The following NUP98 variants were observed in gnomAD, a reference collection of about 807,000 sequenced individuals.
NUP98 encodes nuclear pore complex protein Nup98-Nup96.
Under a neutral mutation model 191.9 loss-of-function variants are expected in NUP98, and 26 were observed. The observed-to-expected ratio is 0.14, with a 90% confidence interval of 0.10 to 0.19. NUP98 has a LOEUF of 0.19. Among genes scored for constraint, NUP98 ranks in the 10% least tolerant of loss-of-function variants. The pLI is 1.00. For missense variants in NUP98, 1,941 were observed against 2,178.8 expected, an observed-to-expected ratio of 0.89 and a Z score of 2.17; for synonymous variants, 808 against 778.4, an observed-to-expected ratio of 1.04 and a Z score of -0.63.
chr11:3,731,409 T>C lies in NUP98; in HGVS notation c.1712A>G (p.Asn571Ser), dbSNP rs1367443555. The change falls in exon 14 of 33, where the codon AAT (asparagine) becomes AGT (serine). Residue 571 changes from asparagine (N) to serine (S), a missense_variant. Physicochemically the swap from Asn to Ser is conservative, Grantham distance 46. Around this residue, in one of 6 missense-constraint regions of NUP98, gnomAD observed 453 missense variants for 438.2 expected, o/e 1.03. Transcript: ENST00000324932. ...GLDDDEPSLANGAFMPKKSIK... is the reference protein window; with the variant it reads ...GLDDDEPSLASGAFMPKKSIK... Reference sequence around the variant, plus strand: ...AACTCACTTGGGCATGAATGCTCCATTGGCTAGGGATGGTTCATCGTCATC... The same window carrying C: ...AACTCACTTGGGCATGAATGCTCCACTGGCTAGGGATGGTTCATCGTCATC... 4.4e-6 allele frequency: 7 copies of C among 1,581,834 alleles called. No individual in the cohort carries two copies. The highest frequency in any genetic ancestry group is 2.3e-5 in the East Asian group (1 of 44,090).
chr11:3,779,327 G>C (rs1490630403), intron 2 of NUP98, 70 bp from the exon 3 acceptor site: 1 of 1,217,124 alleles, frequency 8.2e-7, no homozygotes, highest in African/African-American at 1.5e-5. Context: ...AAATGAAAAG[G>C]CATTTTAATA....
intron 11 of NUP98, among the ~76,000 whole-genome samples, chr11:3,746,676 G>A (rs751679072): frequency 1.3e-4 from 19 of 151,798 alleles, no homozygotes; most frequent in Non-Finnish European, 1.6e-4. Flanking sequence ...ACTGTGGGAA[G>A]CCGAGGAGGG....
intron 11 of NUP98, among the ~76,000 whole-genome samples, chr11:3,746,205 G>T (rs1195282334): frequency 6.8e-6 from 1 of 147,976 alleles, no homozygotes; most frequent in African/African-American, 2.5e-5. Context: ...GGAGGTGGAG[G>T]TTGCGGTGAG....
At chr11:3,681,526 A>G (rs1328766663) in intron 30 of NUP98, among the ~76,000 whole-genome samples, 1 of 152,226 alleles carries the variant, frequency 6.6e-6, no homozygotes, top group Non-Finnish European at 1.5e-5. Context: ...TAGCAGGCAT[A>G]AAAACATTAA....
rs1449872595 is a variant in NUP98, at chr11:3,686,125, G to A, written c.4524C>T (p.Ser1508=). 3 of 1,614,128 alleles carry A rather than the reference G, an allele frequency of 1.9e-6. No homozygotes were observed. The African/African-American group carries it at 4.0e-5, about 22-fold the overall frequency. ...ITADPLDYRL[S]WHLWEVLRAL... ...CCCTCAGCACTTCCCACAAGTGCCA[G>A]CTTAGGCGGTAGTCCAAAGGATCTG... The change falls in exon 29 of 33, where the codon AGC becomes AGT. Residue 1508 remains serine, a synonymous_variant. Transcript: ENST00000324932.
chr11:3,768,476 A>T, intron 8 of NUP98, 105 bp downstream of exon 8: 1 of 1,051,902 alleles, frequency 9.5e-7, no homozygotes, highest in Non-Finnish European at 1.3e-6. Context: ...CTCAACTCTT[A>T]AGATTTGCAG....
Position 3,706,507 on chromosome 11 carries a change from C to G in NUP98, c.2863G>C (p.Glu955Gln). 4 of 1,614,120 alleles carry G rather than the reference C, an allele frequency of 2.5e-6. No individual in the cohort carries two copies. The highest frequency in any genetic ancestry group is 3.4e-6 in the Non-Finnish European group (4 of 1,180,010). ...ATATGTGTTGAGGCAGACACAGGTT[C>G]CTGATCCTCAGGCATGCTCTCTTCT... is the stretch of plus-strand genomic sequence containing the variant. ...MLEESMPEDQEPVSASTHIAS... is the reference protein window; with the variant it reads ...MLEESMPEDQQPVSASTHIAS... The change falls in exon 21 of 33, where the codon GAA (glutamate) becomes CAA (glutamine). Residue 955 changes from glutamate (E) to glutamine (Q), a missense_variant. Transcript: ENST00000324932.
At chr11:3,741,013 G>T (rs1414112358) in intron 12 of NUP98, among the ~76,000 whole-genome samples, 1 of 151,580 alleles carries the variant, frequency 6.6e-6, no homozygotes, top group Non-Finnish European at 1.5e-5. Context: ...GACATCATGG[G>T]GTTTTGCCAT....
intron 26 of NUP98, among the ~76,000 whole-genome samples, chr11:3,694,079 A>ATT (rs1297226245): frequency 6.6e-6 from 1 of 151,158 alleles, no homozygotes; most frequent in Non-Finnish European, 1.5e-5. Context: ...AAAAATACAA[A>ATT]AAAAAAAAAA....
Position 3,782,122 on chromosome 11 carries a change from A to C in NUP98, c.-5T>G. The C allele has an allele frequency of 1.2e-6, 2 of 1,605,404 alleles. No individual in the cohort carries two copies. The highest frequency in any genetic ancestry group is 2.2e-5 in the South Asian group (2 of 89,790). ...TCCAAATGATTTGTTAAACATCTTC[A>C]AAATGAGTCTTTGTTTCAGAAAGCT... On this transcript the variant is annotated 5_prime_UTR_variant, in exon 2 of 33. Transcript: ENST00000324932.
intron 25 of NUP98, among the ~76,000 whole-genome samples, chr11:3,697,820 T>TAAAC (rs2078558777): frequency 2.1e-5 from 2 of 97,156 alleles, no homozygotes; most frequent in Non-Finnish European, 3.9e-5. Context: ...GACTCTGTCT[T>TAAAC]AAAAAAAAAA....
intron 12 of NUP98, among the ~76,000 whole-genome samples, chr11:3,737,490 G>C (rs1400435787): frequency 2.0e-5 from 3 of 152,114 alleles, no homozygotes; most frequent in Non-Finnish European, 1.5e-5. Context: ...AGCCAGGCAT[G>C]GTGGTGGGCA....
At chr11:3,731,271 AAAAC>A in intron 14 of NUP98, 116 bp downstream of exon 14, 2 of 693,970 alleles carry the variant, frequency 2.9e-6, no homozygotes, top group Non-Finnish European at 4.1e-6. Context: ...CTCAAAAACA[AAAAC>A]AAAAACAAAG....
chr11:3,779,124 C>T (rs780538627), intron 3 of NUP98, 32 bp downstream of exon 3: 3 of 1,612,984 alleles, frequency 1.9e-6, no homozygotes, highest in Non-Finnish European at 1.7e-6. Flanking sequence ...TAGCTACAAA[C>T]AAACCAGTTA....
At chr11:3,779,075 AAGTT>A in intron 3 of NUP98, 26 bp from the exon 4 acceptor site, 1 of 1,613,984 alleles carries the variant, frequency 6.2e-7, no homozygotes, top group South Asian at 1.1e-5. Context: ...AGGAGGGAAA[AAGTT>A]AAGTACATCA....
At chr11:3,682,482 CG>C (rs1335826291) in intron 30 of NUP98, among the ~76,000 whole-genome samples, 1 of 152,090 alleles carries the variant, frequency 6.6e-6, no homozygotes, top group African/African-American at 2.4e-5. Context: ...GGCCTAATTT[CG>C]TGATTATTGG....
At chr11:3,698,244 T>C (rs76797252) in intron 25 of NUP98, among the ~76,000 whole-genome samples, 4 of 152,322 alleles carry the variant, frequency 2.6e-5, no homozygotes, top group East Asian at 1.9e-4. Context: ...CTGGACATAT[T>C]TGTATGTATT....
chr11:3,678,643 A>G (rs1044459749), intron 31 of NUP98, among the ~76,000 whole-genome samples: 2 of 152,216 alleles, frequency 1.3e-5, no homozygotes, highest in African/African-American at 4.8e-5. Context: ...TAGAAACACC[A>G]GAAGTAATTT....
intron 13 of NUP98, among the ~76,000 whole-genome samples, chr11:3,734,325 G>C (rs571603243): frequency 6.6e-6 from 1 of 152,078 alleles, no homozygotes; most frequent in African/African-American, 2.4e-5. Flanking sequence ...GAGCCACTGC[G>C]CCGGGCAGAT....
Sources: gnomAD v4.1 joint callset for allele counts (sites outside exome capture counted in the v4.1 genomes callset) on GRCh38, gnomAD v4.1.1 for gene constraint, gnomAD v4.1.1 regional missense constraint, MANE v1.5 for transcripts, NCBI Gene and HGNC (gene_info 2026-07-23, HGNC 2026-07-21) for gene names.